Variants in TINAG observed in about 807,000 individuals in gnomAD.
The protein encoded by TINAG is tubulointerstitial nephritis antigen.
A neutral mutation model predicts 72.7 loss-of-function variants in TINAG; 83 were observed. That is an observed-to-expected ratio of 1.14 (90% confidence interval 0.96 to 1.37). The LOEUF is 1.37. Among genes scored for constraint, TINAG ranks in the 40% most tolerant of loss-of-function variants. TINAG has a pLI of 0.00. For missense variants in TINAG, 685 were observed against 576.6 expected, an observed-to-expected ratio of 1.19 and a Z score of -1.93; for synonymous variants, 234 against 189.9, an observed-to-expected ratio of 1.23 and a Z score of -1.91.
chr6:54,379,356 C>G (rs929625382), intron 9 of TINAG, among the ~76,000 whole-genome samples: 1 of 152,100 alleles, frequency 6.6e-6, no homozygotes, highest in Non-Finnish European at 1.5e-5. Flanking sequence ...GTAAATAAAA[C>G]AGGTTAATAA....
intron 9 of TINAG, among the ~76,000 whole-genome samples, chr6:54,369,313 CTT>C (rs986259032): frequency 6.6e-6 from 1 of 151,714 alleles, no homozygotes; most frequent in African/African-American, 2.4e-5. Context: ...AAGAAAAGAA[CTT>C]TGGTCTATTG....
At chr6:54,367,369 C>T (rs1763464745) in intron 9 of TINAG, among the ~76,000 whole-genome samples, 2 of 151,754 alleles carry the variant, frequency 1.3e-5, no homozygotes, top group African/African-American at 4.8e-5. Flanking sequence ...GAATGTTTTC[C>T]TGATGCACTT....
chr6:54,315,029 C>T (rs981007674), intron 1 of TINAG, among the ~76,000 whole-genome samples: 1 of 151,910 alleles, frequency 6.6e-6, no homozygotes, highest in African/African-American at 2.4e-5. Context: ...AATAGTACTA[C>T]ACAATATTGA....
chr6:54,354,427 C>A, intron 8 of TINAG, 86 bp from the exon 9 acceptor site: 1 of 1,249,388 alleles, frequency 8.0e-7, no homozygotes, highest in South Asian at 1.5e-5. Context: ...GCAATTTACC[C>A]ATTGGTTGTT....
At chr6:54,334,989 G>C (rs1784826556) in intron 4 of TINAG, among the ~76,000 whole-genome samples, 1 of 151,810 alleles carries the variant, frequency 6.6e-6, no homozygotes, top group Admixed American at 6.6e-5. Context: ...TTCTTACCCA[G>C]TGAGAAAAAA....
Position 54,308,521 on chromosome 6 carries a change from A to G in TINAG, c.-30A>G. 6.4e-7 allele frequency: 1 copy of G among 1,569,640 alleles called. No individual in the cohort carries two copies. The highest frequency in any genetic ancestry group is 8.6e-7 in the Non-Finnish European group (1 of 1,156,240). ...AGGCTAAGGGTATTGGATATAACGG[A>G]AAGTGGAAGCTATACCTGACTTCCA... On this transcript the variant is annotated 5_prime_UTR_variant, in exon 1 of 11. Transcript: ENST00000259782.
intron 10 of TINAG, among the ~76,000 whole-genome samples, chr6:54,381,395 T>C (rs1305115246): frequency 6.6e-6 from 1 of 151,756 alleles, no homozygotes; most frequent in Non-Finnish European, 1.5e-5. Flanking sequence ...TATGTGGTAA[T>C]ACTTACCATG....
At chr6:54,323,273 A>G (rs1476202106) in intron 3 of TINAG, among the ~76,000 whole-genome samples, 2 of 152,236 alleles carry the variant, frequency 1.3e-5, no homozygotes, top group Non-Finnish European at 2.9e-5. Context: ...AAAAAAGTTA[A>G]GTAAAAGGAG....
intron 8 of TINAG, among the ~76,000 whole-genome samples, chr6:54,353,989 C>T (rs554598636): frequency 4.7e-4 from 72 of 151,848 alleles, no homozygotes; most frequent in Non-Finnish European, 9.0e-4. Flanking sequence ...CATTGCTTAT[C>T]TCTCCAGAGC....
intron 9 of TINAG, among the ~76,000 whole-genome samples, chr6:54,379,463 A>G (rs1250707763): frequency 6.6e-6 from 1 of 152,200 alleles, no homozygotes; most frequent in Non-Finnish European, 1.5e-5. Flanking sequence ...ATGGACCAGT[A>G]GTGGAAATAT....
At chr6:54,338,062 G>A (rs1007517778) in intron 4 of TINAG, among the ~76,000 whole-genome samples, 3 of 152,010 alleles carry the variant, frequency 2.0e-5, no homozygotes, top group African/African-American at 4.8e-5. Context: ...CACACCCTTC[G>A]GTAAACTTAG....
chr6:54,354,480 C>G (rs1235537273), intron 8 of TINAG, 33 bp from the exon 9 acceptor site: 2 of 1,572,092 alleles, frequency 1.3e-6, no homozygotes, highest in Non-Finnish European at 8.6e-7. Flanking sequence ...TATTTTAATA[C>G]TGTGCCATTT....
At chr6:54,389,628 T>C (rs1217323252) in intron 10 of TINAG, among the ~76,000 whole-genome samples, 163 bp from the exon 11 acceptor site, 3 of 152,206 alleles carry the variant, frequency 2.0e-5, no homozygotes, top group South Asian at 2.1e-4. Flanking sequence ...ATTAGTGTAG[T>C]TGATACATAA....
At position 54,308,787 on chromosome 6, in the gene TINAG, G is replaced by A. The variant is rs754542362; in HGVS notation, c.237G>A (p.Ala79=). 1.2e-5 allele frequency: 19 copies of A among 1,613,718 alleles called. No homozygotes were observed. The Admixed American group carries it at 1.8e-4, about 16-fold the overall frequency. Residue 79 remains alanine (A), a synonymous_variant, in exon 1 of 11, where the codon GCG becomes GCA. Transcript: ENST00000259782. Reference sequence around the variant, plus strand: ...TCACTGAGTTCTATGCGGCGAATGCGTTGTGCTACTGTGATAAATTCTGTG... The same window carrying A: ...TCACTGAGTTCTATGCGGCGAATGCATTGTGCTACTGTGATAAATTCTGTG... The part of the protein sequence containing the change: ...GCVTEFYAAN[A]LCYCDKFCDR...
chr6:54,341,813 GAAACT>G (rs965535149), intron 4 of TINAG, among the ~76,000 whole-genome samples: 37 of 152,118 alleles, frequency 2.4e-4, no homozygotes, highest in African/African-American at 8.9e-4. Context: ...ATAAAGCAGG[GAAACT>G]ATAGAAATGA....
rs180771016 is a variant in TINAG at position 54,326,390 on chromosome 6, C to G, written c.510-412C>G. Among the ~76,000 whole-genome samples the G allele has an allele frequency of 1.4e-3, 217 of 151,664 alleles. 1 individual carries two copies. Among genetic ancestry groups the G allele is most frequent in the African/African-American group, 5.0e-3 (206 of 41,442 alleles). ...TTCATTTTTCATGCATACTTTTTTA[C>G]CTTGTCAATTTCTTTTCAAATCTAA... On this transcript the variant is annotated intron_variant, in intron 3 of 10. Transcript: ENST00000259782.
intron 5 of TINAG, among the ~76,000 whole-genome samples, chr6:54,345,021 T>A (rs546368089): frequency 6.6e-6 from 1 of 152,144 alleles, no homozygotes; most frequent in South Asian, 2.1e-4. Flanking sequence ...TAAAAACTTA[T>A]GTAATCAAAT....
intron 9 of TINAG, among the ~76,000 whole-genome samples, chr6:54,376,517 C>A (rs1309160029): frequency 4.0e-5 from 6 of 151,826 alleles, no homozygotes; most frequent in Admixed American, 3.9e-4. Flanking sequence ...GCCTCATTGA[C>A]AAAATCTACC....
intron 9 of TINAG, among the ~76,000 whole-genome samples, chr6:54,372,727 CATATATATATATATATAT>C (rs67301819): frequency 0.018 from 2,424 of 133,936 alleles, 67 homozygotes; most frequent in African/African-American, 0.054. Flanking sequence ...TAAATACATA[CATATATATATATATATAT>C]ATATATATAT....
Sources: gnomAD v4.1 joint callset for allele counts (sites outside exome capture counted in the v4.1 genomes callset) on GRCh38, gnomAD v4.1.1 for gene constraint, MANE v1.5 for transcripts, NCBI Gene and HGNC (gene_info 2026-07-23, HGNC 2026-07-21) for gene names.